DPEP1: variants seen among roughly 807,000 people sequenced by gnomAD.
DPEP1 encodes the protein beta-lactamase.
A neutral mutation model predicts 42.3 loss-of-function variants in DPEP1; 50 were observed. The observed-to-expected ratio is 1.18, with a 90% confidence interval of 0.94 to 1.50. The LOEUF is 1.50. Among genes scored for constraint, DPEP1 ranks in the 40% most tolerant of loss-of-function variants. DPEP1 has a pLI of 0.00. For synonymous variants in DPEP1, 297 were observed against 234.0 expected (o/e 1.27, Z -2.46); for missense variants, 663 against 553.0 (o/e 1.20, Z -1.99).
downstream of DPEP1, chr16:89,638,523 C>T (rs78545310): frequency 0.071 from 85,994 of 1,205,854 alleles, 3,347 homozygotes; most frequent in Non-Finnish European, 0.08. Flanking sequence ...CTCCTGTGAT[C>T]CTGGATCGAG....
intron 1 of DPEP1, chr16:89,616,799 AAGC>A (rs1459326123): frequency 7.5e-6 from 2 of 267,584 alleles, no homozygotes; most frequent in East Asian, 1.5e-4. Flanking sequence ...AGTGGGCAGG[AAGC>A]AGGCAGAAAG....
At chr16:89,640,572 G>A (rs75580672), downstream of DPEP1, 335 of 973,798 alleles carry the variant, frequency 3.4e-4, no homozygotes, top group East Asian at 0.011. Flanking sequence ...ATCAATAATC[G>A]TTCTGTCTGT....
At chr16:89,619,985 C>A (rs1387256930) in intron 1 of DPEP1, among the ~76,000 whole-genome samples, 5 of 145,362 alleles carry the variant, frequency 3.4e-5, no homozygotes, top group African/African-American at 1.3e-4. Flanking sequence ...CCGGGATAGG[C>A]CTGGCCTCCC....
chr16:89,627,620 G>T (rs1291263974), intron 1 of DPEP1, among the ~76,000 whole-genome samples: 1 of 148,356 alleles, frequency 6.7e-6, no homozygotes, highest in Non-Finnish European at 1.5e-5. Context: ...GGGAAAGGAA[G>T]GGCAGGGGAA....
Position 89,637,616 on chromosome 16 carries a change from G to C in DPEP1, c.854-16G>C. 6.2e-7 allele frequency: 1 copy of C among 1,612,858 alleles called. No individual in the cohort carries two copies. Among genetic ancestry groups the C allele is most frequent in the Non-Finnish European group, 8.5e-7 (1 of 1,179,986 alleles). ...AGGGCCTCACTCGGGACCCATACCT[G>C]CTGCTCCCTGGACAGACCATCTGGA... On this transcript the variant is annotated splice_polypyrimidine_tract_variant and intron_variant, in intron 8 of 10. Transcript: ENST00000690203.
chr16:89,626,280 G>GA (rs1384819741), intron 1 of DPEP1, among the ~76,000 whole-genome samples: 1 of 152,170 alleles, frequency 6.6e-6, no homozygotes, highest in Non-Finnish European at 1.5e-5. Flanking sequence ...GCATCGTGGG[G>GA]CCATTCACCC....
upstream of DPEP1, chr16:89,613,565 G>C (rs1188067447): frequency 1.3e-5 from 2 of 152,374 alleles, no homozygotes; most frequent in African/African-American, 4.8e-5. Flanking sequence ...GAGAACACAG[G>C]GTTCCTGCAG....
intron 1 of DPEP1, among the ~76,000 whole-genome samples, chr16:89,615,940 G>A (rs1208327714): frequency 3.9e-5 from 6 of 152,084 alleles, no homozygotes; most frequent in African/African-American, 9.7e-5. Context: ...GCCCAAAGGC[G>A]CAGGGCTCAG....
intron 1 of DPEP1, among the ~76,000 whole-genome samples, chr16:89,622,039 G>A (rs1386773362): frequency 3.9e-5 from 6 of 152,264 alleles, no homozygotes; most frequent in African/African-American, 9.6e-5. Flanking sequence ...TGTCACCTGC[G>A]TCTCGACAGA....
chr16:89,640,545 T>C (rs1437362736), downstream of DPEP1: 6 of 983,856 alleles, frequency 6.1e-6, no homozygotes, highest in Admixed American at 6.2e-5. Flanking sequence ...CGCGTCCTGA[T>C]CTTCCAGGAT....
At chr16:89,629,237 T>G (rs2059554180) in intron 1 of DPEP1, among the ~76,000 whole-genome samples, 1 of 152,226 alleles carries the variant, frequency 6.6e-6, no homozygotes, top group Non-Finnish European at 1.5e-5. Context: ...TGGTGGCTCA[T>G]GCCTGTAATC....
chr16:89,618,968 C>A lies in DPEP1; in HGVS notation c.-107+5249C>A, dbSNP rs1172848627. 7.4e-3 allele frequency among the ~76,000 whole-genome samples: 225 copies of A among 30,360 alleles called. 13 individuals are homozygous for A. The highest frequency in any genetic ancestry group is 0.043 in the Middle Eastern group (2 of 46). 19.9% of individuals were successfully genotyped at this position (30,360 alleles called of 152,430 possible). A position where few individuals can be genotyped will look rare whatever the true frequency, so the allele number is the denominator to read the frequency against. On this transcript the variant is annotated intron_variant, in intron 1 of 10. Transcript: ENST00000690203. ...CCCCTGCTCCCCTCCCTGCAGCCCC[C>A]CTGCCCCCCCGCTCCCCTCCCTGCA...
In DPEP1 at chr16:89,626,058, T is replaced by A. The variant is rs185814336; in HGVS notation, c.-106-4247T>A. Among the ~76,000 whole-genome samples the A allele has an allele frequency of 1.8e-3, 269 of 152,200 alleles. 1 individual carries two copies. The highest frequency in any genetic ancestry group is 2.4e-4 in the Non-Finnish European group (16 of 67,998). The stretch of plus-strand genomic sequence containing the variant: ...GTCTGGTGCTCGGAAGACATGTGCC[T>A]CCCTCTACCTGCCCCCCGTCCTCCC... On this transcript the variant is annotated intron_variant, in intron 1 of 10. Transcript: ENST00000690203.
intron 6 of DPEP1, 58 bp from the exon 7 acceptor site, chr16:89,637,146 C>A: frequency 2.5e-6 from 4 of 1,576,206 alleles, no homozygotes; most frequent in Middle Eastern, 1.7e-4. Flanking sequence ...CCAGCCCGTC[C>A]ACCTCCGCAG....
At chr16:89,622,643 G>A (rs913945567) in intron 1 of DPEP1, among the ~76,000 whole-genome samples, 4 of 152,094 alleles carry the variant, frequency 2.6e-5, no homozygotes, top group Admixed American at 6.6e-5. Flanking sequence ...AATTAGTCGG[G>A]CGTGGTGGCG....
chr16:89,618,708 G>A (rs895340858), intron 1 of DPEP1, among the ~76,000 whole-genome samples: 11 of 152,006 alleles, frequency 7.2e-5, no homozygotes, highest in African/African-American at 1.7e-4. Context: ...GTGTTGCCCC[G>A]GCTGGTCTCA....
chr16:89,614,068 T>G (rs58348200), intron 1 of DPEP1, among the ~76,000 whole-genome samples: 5 of 127,960 alleles, frequency 3.9e-5, no homozygotes, highest in African/African-American at 9.2e-5. Context: ...GGGACGCGGC[T>G]GCTTCCTGGG....
chr16:89,621,753 T>C (rs1262471872), intron 1 of DPEP1, among the ~76,000 whole-genome samples: 1 of 152,168 alleles, frequency 6.6e-6, no homozygotes, highest in African/African-American at 2.4e-5. Context: ...GGTATCTGAG[T>C]GTGCGTTTAC....
At chr16:89,639,936 A>C (rs765409205), downstream of DPEP1, among the ~76,000 whole-genome samples, 9 of 152,066 alleles carry the variant, frequency 5.9e-5, no homozygotes, top group Non-Finnish European at 8.8e-5. Flanking sequence ...CAGCCTCCCA[A>C]AGTGCTGGGA....
Sources: gnomAD v4.1 joint callset for allele counts (sites outside exome capture counted in the v4.1 genomes callset) on GRCh38, gnomAD v4.1.1 for gene constraint, MANE v1.5 for transcripts, NCBI Gene and HGNC (gene_info 2026-07-23, HGNC 2026-07-21) for gene names.